Variants in RBFOX1 observed in about 807,000 individuals in gnomAD.
RBFOX1 encodes RNA binding protein fox-1 homolog 1.
RBFOX1 carries 8 observed loss-of-function variants against 57.7 expected under a neutral mutation model. The ratio of observed to expected loss-of-function variants is 0.14; its 90% CI spans 0.08 to 0.25. RBFOX1 has a LOEUF of 0.25. Ranked by LOEUF, RBFOX1 falls within the 10% of genes least tolerant of loss-of-function variation. The pLI, the probability that RBFOX1 is intolerant of heterozygous loss-of-function variation, is 1.00. For missense variants in RBFOX1, 611 were observed against 548.5 expected (o/e 1.11, Z -1.14); for synonymous variants, 326 against 222.4 (o/e 1.47, Z -4.15).
In RBFOX1 at chr16:7,273,212, T is replaced by TCCTC. The variant is rs1567985681; in HGVS notation, c.27+221117_27+221118insCCCT. 4.5e-4 allele frequency among the ~76,000 whole-genome samples: 20 copies of TCCTC among 44,472 alleles called. 1 individual carries two copies. The highest frequency in any genetic ancestry group is 1.5e-3 in the African/African-American group (10 of 6,468). 29.2% of individuals were successfully genotyped at this position (44,472 alleles called of 152,430 possible). A position where few individuals can be genotyped will look rare whatever the true frequency, so the allele number is the denominator to read the frequency against. ...TCCCTTCCTTCCTCCCTCCCTTCCT[T>TCCTC]CCTTCCTTCCTTCCTTCCTTCCTTC... On this transcript the variant is annotated intron_variant, in intron 4 of 15. Coordinates refer to ENST00000550418, the MANE Select transcript of RBFOX1 (RefSeq NM_018723.4).
chr16:5,967,062 C>G (rs967912439), intron 4 of RBFOX1, among the ~76,000 whole-genome samples: 18 of 132,912 alleles, frequency 1.4e-4, no homozygotes, highest in Non-Finnish European at 2.2e-4. Context: ...GATGGGAAAA[C>G]AGCCATGACC....
intron 2 of RBFOX1, among the ~76,000 whole-genome samples, chr16:5,580,837 C>T (rs1210803885): frequency 6.6e-6 from 1 of 152,210 alleles, no homozygotes; most frequent in Non-Finnish European, 1.5e-5. Context: ...ACATGGTCAC[C>T]TGTCTTAATG....
intron 4 of RBFOX1, among the ~76,000 whole-genome samples, chr16:5,956,463 C>A (rs1279396233): frequency 6.6e-6 from 1 of 151,382 alleles, no homozygotes; most frequent in African/African-American, 2.4e-5. Flanking sequence ...ATGCAAGTTA[C>A]TGTACAGTCA....
At chr16:6,791,135 G>T (rs1232352807) in intron 3 of RBFOX1, among the ~76,000 whole-genome samples, 2 of 151,900 alleles carry the variant, frequency 1.3e-5, no homozygotes, top group African/African-American at 2.4e-5. Flanking sequence ...TCAAACTCCT[G>T]ACCTCAAGAG....
intron 2 of RBFOX1, among the ~76,000 whole-genome samples, chr16:6,333,557 T>G (rs561642316): frequency 2.0e-5 from 3 of 152,306 alleles, no homozygotes; most frequent in Non-Finnish European, 4.4e-5. Flanking sequence ...TTTTCATCCT[T>G]GATTTTTCAG....
At chr16:5,724,442 C>T (rs773597641) in intron 3 of RBFOX1, among the ~76,000 whole-genome samples, 3 of 152,058 alleles carry the variant, frequency 2.0e-5, no homozygotes, top group African/African-American at 7.2e-5. Flanking sequence ...ATGTCTATGT[C>T]TTCGTGAAAT....
At chr16:6,628,204 C>G (rs911912672) in intron 2 of RBFOX1, among the ~76,000 whole-genome samples, 5 of 152,164 alleles carry the variant, frequency 3.3e-5, no homozygotes, top group African/African-American at 1.2e-4. Context: ...TCACCAGTCT[C>G]CCTGGGGGTT....
chr16:7,174,150 T>C (rs2081229042), intron 4 of RBFOX1, among the ~76,000 whole-genome samples: 1 of 152,004 alleles, frequency 6.6e-6, no homozygotes, highest in Non-Finnish European at 1.5e-5. Flanking sequence ...GCATCTGGAT[T>C]ATTTAATTTA....
At chr16:6,751,933 T>C (rs1603538840) in intron 3 of RBFOX1, among the ~76,000 whole-genome samples, 1 of 152,278 alleles carries the variant, frequency 6.6e-6, no homozygotes, top group East Asian at 1.9e-4. Flanking sequence ...GTCCAGGCTT[T>C]AACAAACAAT....
intron 3 of RBFOX1, among the ~76,000 whole-genome samples, chr16:6,989,059 G>A (rs1003220229): frequency 2.6e-5 from 4 of 151,926 alleles, no homozygotes; most frequent in South Asian, 2.1e-4. Flanking sequence ...CACCGCGCCC[G>A]GCTTTTTTGG....
rs140336563 is a variant in RBFOX1, at chr16:5,787,764, C to G, written c.319-79539C>G. On this transcript the variant is annotated intron_variant, in intron 3 of 19. Transcript: ENST00000641259. ...CAAGAAGTAATGAGTTTGGAACAGT[C>G]AAGCCTCCATGAGGATCATTTCCCA... 1.9e-3 allele frequency among the ~76,000 whole-genome samples: 285 copies of G among 152,294 alleles called. 4 individuals are homozygous for G. Among genetic ancestry groups the G allele is most frequent in the African/African-American group, 6.4e-3 (267 of 41,554 alleles).
intron 1 of RBFOX1, among the ~76,000 whole-genome samples, chr16:6,163,360 G>C (rs553046501): frequency 3.9e-5 from 6 of 152,190 alleles, no homozygotes; most frequent in African/African-American, 1.4e-4. Flanking sequence ...TGTTAAAACA[G>C]ATTTCATCTG....
At chr16:7,327,943 C>T (rs969782640) in intron 4 of RBFOX1, among the ~76,000 whole-genome samples, 1 of 152,116 alleles carries the variant, frequency 6.6e-6, no homozygotes, top group Non-Finnish European at 1.5e-5. Context: ...AGGAGTTGGT[C>T]TTCTCTAGAT....
intron 4 of RBFOX1, among the ~76,000 whole-genome samples, chr16:5,944,385 GCAGTT>G (rs1443749905): frequency 2.6e-5 from 4 of 152,170 alleles, no homozygotes; most frequent in Middle Eastern, 3.2e-3. Flanking sequence ...TGTATACATA[GCAGTT>G]ACATGAAGAC....
At chr16:7,153,596 TG>T (rs2076503932) in intron 4 of RBFOX1, among the ~76,000 whole-genome samples, 1 of 146,288 alleles carries the variant, frequency 6.8e-6, no homozygotes, top group South Asian at 2.2e-4. Context: ...TAGCCAGGCA[TG>T]GTGATGGTGG....
chr16:6,886,609 G>A (rs1004147911), intron 3 of RBFOX1, among the ~76,000 whole-genome samples: 1 of 151,818 alleles, frequency 6.6e-6, no homozygotes, highest in Non-Finnish European at 1.5e-5. Context: ...AAAAAAATTA[G>A]CTGGGCGTGG....
At chr16:6,526,085 G>C (rs955514169) in intron 2 of RBFOX1, among the ~76,000 whole-genome samples, 2 of 152,196 alleles carry the variant, frequency 1.3e-5, no homozygotes, top group Admixed American at 1.3e-4. Flanking sequence ...TCATTCCTTG[G>C]ATGTGCGATA....
At chr16:5,482,460 G>A (rs2069578956) in intron 2 of RBFOX1, among the ~76,000 whole-genome samples, 1 of 152,226 alleles carries the variant, frequency 6.6e-6, no homozygotes, top group Non-Finnish European at 1.5e-5. Flanking sequence ...TGAAGCTTGA[G>A]TAGGGAAGAC....
rs895302746 is a variant in RBFOX1, at chr16:6,874,185, A to G, written c.-15-177872A>G. ...TAAAGAAACTATGGTGTGTGCATAC[A>G]CACACAAACACATGCTACTCAGCCA... On this transcript the variant is annotated intron_variant, in intron 3 of 15. Transcript: ENST00000550418. 4.6e-5 allele frequency among the ~76,000 whole-genome samples: 7 copies of G among 151,486 alleles called. No homozygotes were observed. The East Asian group carries it at 1.2e-3, about 25-fold the overall frequency.
Sources: gnomAD v4.1 joint callset for allele counts (sites outside exome capture counted in the v4.1 genomes callset) on GRCh38, gnomAD v4.1.1 for gene constraint, MANE v1.5 for transcripts, NCBI Gene and HGNC (gene_info 2026-07-23, HGNC 2026-07-21) for gene names.